The following FAT3 variants were observed in gnomAD, a reference collection of about 807,000 sequenced individuals.
FAT3 encodes the protein protocadherin Fat 3.
Under a neutral mutation model 310.2 loss-of-function variants are expected in FAT3, and 95 were observed. The observed-to-expected ratio is 0.31, with a 90% confidence interval of 0.26 to 0.36. The LOEUF (loss-of-function observed/expected upper bound fraction) is 0.36, where lower values mean the gene tolerates loss of function less well. Ranked by LOEUF, FAT3 falls within the 10% of genes least tolerant of loss-of-function variation. The pLI is 1.00. For synonymous variants in FAT3, 2,314 were observed against 2,192.9 expected, an observed-to-expected ratio of 1.06 and a Z score of -1.54; for missense variants, 5,408 against 5,715.6, an observed-to-expected ratio of 0.95 and a Z score of 1.74.
intron 3 of FAT3, among the ~76,000 whole-genome samples, chr11:92,610,827 A>C (rs1005149912): frequency 8.5e-5 from 13 of 152,204 alleles, no homozygotes; most frequent in Non-Finnish European, 2.9e-5. Context: ...CACAGTAGGC[A>C]CTTAGACATT....
At chr11:92,702,245 A>G (rs1286951305) in intron 4 of FAT3, among the ~76,000 whole-genome samples, 1 of 152,146 alleles carries the variant, frequency 6.6e-6, no homozygotes, top group Non-Finnish European at 1.5e-5. Flanking sequence ...ATCTCTGTAT[A>G]CAAGCATCTG....
chr11:92,420,349 G>A (rs1470363103), intron 2 of FAT3, among the ~76,000 whole-genome samples: 1 of 152,164 alleles, frequency 6.6e-6, no homozygotes. Flanking sequence ...TCCCAAAAGT[G>A]GCCACACTTT....
At position 92,840,772 on chromosome 11, in the gene FAT3, A is replaced by G. The variant is rs1948522918; in HGVS notation, c.10566+13A>G. ...GTTGTGTGTCCAGGTATGGCATCGC[A>G]CTCTGTCTCCGTCGTGCTGTCTTTC... is the stretch of plus-strand genomic sequence containing the variant. On this transcript the variant is annotated intron_variant, in intron 18 of 27. Coordinates refer to ENST00000525166, the MANE Select transcript of FAT3 (RefSeq NM_001367949.2). The G allele has an allele frequency of 2.0e-6, 3 of 1,538,144 alleles. No individual in the cohort carries two copies. Among genetic ancestry groups the G allele is most frequent in the Admixed American group, 3.5e-5 (2 of 57,276 alleles).
chr11:92,458,596 C>A (rs1479881422), intron 2 of FAT3, among the ~76,000 whole-genome samples: 3 of 152,008 alleles, frequency 2.0e-5, no homozygotes, highest in Admixed American at 6.6e-5. Flanking sequence ...GCAGAGTGAC[C>A]TTTCTTTGTT....
At chr11:92,660,256 T>C (rs1942735398) in intron 3 of FAT3, among the ~76,000 whole-genome samples, 1 of 151,878 alleles carries the variant, frequency 6.6e-6, no homozygotes, top group Non-Finnish European at 1.5e-5. Flanking sequence ...ACATGACCAT[T>C]TGTGCTGCTG....
At chr11:92,435,614 G>A (rs960128057) in intron 2 of FAT3, among the ~76,000 whole-genome samples, 2 of 145,570 alleles carry the variant, frequency 1.4e-5, no homozygotes, top group Non-Finnish European at 3.0e-5. Flanking sequence ...TGCACAGGCT[G>A]GAGTACAGTG....
At chr11:92,890,431 C>T (rs1949890996) in intron 27 of FAT3, 60 bp from the exon 28 acceptor site, 3 of 1,541,548 alleles carry the variant, frequency 1.9e-6, no homozygotes, top group Non-Finnish European at 1.7e-6. Context: ...CTGCTCCTTT[C>T]CCAGCAAAGC....
At chr11:92,736,134 G>A (rs973640586) in intron 4 of FAT3, among the ~76,000 whole-genome samples, 9 of 152,072 alleles carry the variant, frequency 5.9e-5, no homozygotes, top group Non-Finnish European at 1.5e-5. Context: ...GTTCCTAGTT[G>A]GGAGCTGAGT....
intron 3 of FAT3, among the ~76,000 whole-genome samples, chr11:92,651,482 C>T (rs1402749469): frequency 6.6e-6 from 1 of 152,198 alleles, no homozygotes; most frequent in East Asian, 1.9e-4. Flanking sequence ...TGTTGCTCCT[C>T]TAATCCCTTC....
intron 13 of FAT3, 92 bp downstream of exon 13, chr11:92,810,168 C>A: frequency 8.6e-7 from 1 of 1,163,366 alleles, no homozygotes; most frequent in Non-Finnish European, 1.2e-6. Flanking sequence ...CCTTAATCAA[C>A]CCCCTTGGTT....
intron 24 of FAT3, among the ~76,000 whole-genome samples, chr11:92,885,609 T>A (rs1050366203): frequency 6.6e-6 from 1 of 152,158 alleles, no homozygotes; most frequent in Non-Finnish European, 1.5e-5. Flanking sequence ...CCTCTCAAAT[T>A]ATCTGTTGAG....
At chr11:92,397,338 AATT>A (rs1301628342) in intron 2 of FAT3, among the ~76,000 whole-genome samples, 2 of 152,092 alleles carry the variant, frequency 1.3e-5, no homozygotes, top group African/African-American at 4.8e-5. Context: ...GCTTAAAGGG[AATT>A]AGTTTAATTG....
rs1171911501 is a variant in FAT3 at position 92,355,116 on chromosome 11, A to G, written c.3004A>G (p.Lys1002Glu). ...IRLSKELDYEKQQFYNLTVRA... is the reference protein window; with the variant it reads ...IRLSKELDYEEQQFYNLTVRA... ...CTTGAGCAAAGAGCTTGATTATGAG[A>G]AACAGCAGTTCTATAACCTTACTGT... Residue 1002 changes from lysine (K) to glutamate (E), a missense_variant, in exon 2 of 28, where the codon AAA becomes GAA. By Grantham distance (56) the Lys-to-Glu change is moderately conservative. This residue lies in a region of FAT3 where 4,588 missense variants were observed against 4,809.8 expected (regional missense o/e 0.95). Transcript: ENST00000525166. 6.2e-7 allele frequency: 1 copy of G among 1,613,668 alleles called. No individual in the cohort carries two copies. Among genetic ancestry groups the G allele is most frequent in the Non-Finnish European group, 8.5e-7 (1 of 1,179,866 alleles).
chr11:92,706,534 C>CAA (rs1009617870), intron 4 of FAT3, among the ~76,000 whole-genome samples: 4 of 147,846 alleles, frequency 2.7e-5, no homozygotes, highest in African/African-American at 9.9e-5. Context: ...ATTTGTTTCC[C>CAA]AAAAAAAAAA....
chr11:92,486,604 A>G (rs908403197), intron 2 of FAT3, among the ~76,000 whole-genome samples: 1 of 152,150 alleles, frequency 6.6e-6, no homozygotes, highest in African/African-American at 2.4e-5. Context: ...ACCTGCCCAA[A>G]TGATTCCATC....
intron 1 of FAT3, among the ~76,000 whole-genome samples, chr11:92,273,222 G>A (rs1232570651): frequency 6.6e-6 from 1 of 152,044 alleles, no homozygotes; most frequent in Admixed American, 6.6e-5. Context: ...TAAAAGTGAT[G>A]CCAAATCTGT....
intron 3 of FAT3, among the ~76,000 whole-genome samples, chr11:92,662,945 G>C (rs1942836706): frequency 6.6e-6 from 1 of 152,186 alleles, no homozygotes; most frequent in Non-Finnish European, 1.5e-5. Flanking sequence ...CCTTTAGTTA[G>C]GATGTCCTGT....
chr11:92,239,567 T>C (rs772200092), intron 1 of FAT3, among the ~76,000 whole-genome samples: 5 of 152,098 alleles, frequency 3.3e-5, no homozygotes, highest in Non-Finnish European at 7.4e-5. Context: ...GAGTAATTTA[T>C]CACTTGCTGG....
At chr11:92,424,098 T>A (rs1265684139) in intron 2 of FAT3, among the ~76,000 whole-genome samples, 2 of 152,130 alleles carry the variant, frequency 1.3e-5, no homozygotes. Context: ...TTTGTTTTGT[T>A]TTTTTATTGT....
Sources: gnomAD v4.1 joint callset for allele counts (sites outside exome capture counted in the v4.1 genomes callset) on GRCh38, gnomAD v4.1.1 for gene constraint, gnomAD v4.1.1 regional missense constraint, MANE v1.5 for transcripts, NCBI Gene and HGNC (gene_info 2026-07-23, HGNC 2026-07-21) for gene names.